The following TMEM132C variants were observed in gnomAD, a reference collection of about 807,000 sequenced individuals.
TMEM132C encodes the protein protein phosphatase 1, regulatory subunit 152.
Under a neutral mutation model 61.4 loss-of-function variants are expected in TMEM132C, and 29 were observed. The ratio of observed to expected loss-of-function variants is 0.47; its 90% CI spans 0.35 to 0.64. TMEM132C has a LOEUF of 0.64. Among genes scored for constraint, TMEM132C ranks in the 30% least tolerant of loss-of-function variants. The pLI is 0.00. For missense variants in TMEM132C, 1,408 were observed against 1,476.9 expected (o/e 0.95, Z 0.76); for synonymous variants, 656 against 633.1 (o/e 1.04, Z -0.54).
At chr12:128,649,277 C>A (rs754925880) in intron 4 of TMEM132C, among the ~76,000 whole-genome samples, 9 of 152,220 alleles carry the variant, frequency 5.9e-5, no homozygotes, top group Non-Finnish European at 1.2e-4. Flanking sequence ...CTCAGGGATC[C>A]AACTCACACT....
rs907231074 is a variant in TMEM132C at position 128,460,344 on chromosome 12, C to T, written c.974+44724C>T. ...TGTGATGGCTTCATTCTCAGGCAGCCTCTCCTCACAGGGTAGCCAGGTGGC... is the reference window on the plus strand; with the variant it reads ...TGTGATGGCTTCATTCTCAGGCAGCTTCTCCTCACAGGGTAGCCAGGTGGC... On this transcript the variant is annotated intron_variant, in intron 2 of 8. Transcript: ENST00000435159. Among the ~76,000 whole-genome samples the T allele has an allele frequency of 4.6e-5, 7 of 152,318 alleles. No homozygotes were observed. In the East Asian group the frequency reaches 1.4e-3, roughly 29 times the overall value.
chr12:128,299,490 T>C (rs1871527982), intron 1 of TMEM132C, among the ~76,000 whole-genome samples: 1 of 152,170 alleles, frequency 6.6e-6, no homozygotes, highest in Non-Finnish European at 1.5e-5. Context: ...AAGACAGAGC[T>C]GATGGTGCCA....
chr12:128,530,118 G>C (rs995837523), intron 2 of TMEM132C, among the ~76,000 whole-genome samples: 1 of 146,280 alleles, frequency 6.8e-6, no homozygotes. Flanking sequence ...GCGGGGGTGG[G>C]AAGAGTGGTG....
chr12:128,386,504 C>G (rs1386378039), intron 1 of TMEM132C, among the ~76,000 whole-genome samples: 1 of 152,166 alleles, frequency 6.6e-6, no homozygotes, highest in African/African-American at 2.4e-5. Flanking sequence ...TGCCTGGTCT[C>G]ATGGTTGTGG....
intron 3 of TMEM132C, among the ~76,000 whole-genome samples, chr12:128,604,195 G>C (rs1242807944): frequency 6.6e-6 from 1 of 152,208 alleles, no homozygotes; most frequent in African/African-American, 2.4e-5. Context: ...GGATACGTGG[G>C]ATGGATGGAT....
chr12:128,571,364 TG>T (rs1396366616), intron 3 of TMEM132C, among the ~76,000 whole-genome samples: 1 of 152,252 alleles, frequency 6.6e-6, no homozygotes, highest in Non-Finnish European at 1.5e-5. Flanking sequence ...CAAAGGAGAA[TG>T]TTTTTTAATG....
At chr12:128,574,138 C>T (rs918185833) in intron 3 of TMEM132C, among the ~76,000 whole-genome samples, 1 of 152,184 alleles carries the variant, frequency 6.6e-6, no homozygotes. Flanking sequence ...GGCCAGAACG[C>T]CACTTCCTTG....
chr12:128,565,882 A>AG (rs1458139482), intron 3 of TMEM132C, among the ~76,000 whole-genome samples: 1 of 151,784 alleles, frequency 6.6e-6, no homozygotes, highest in African/African-American at 2.4e-5. Context: ...GGTGAAAAAA[A>AG]AAAAAAGAAA....
Position 128,415,204 on chromosome 12 carries a change from G to C in TMEM132C, c.558G>C (p.Arg186=). 1 of 1,610,642 alleles carries C rather than the reference G, an allele frequency of 6.2e-7. No individual in the cohort carries two copies. Among genetic ancestry groups the C allele is most frequent in the Non-Finnish European group, 8.5e-7 (1 of 1,178,480 alleles). ...RETREVRGSC[R]LKGDLGLCVA... is the part of the protein sequence containing the mutation. ...CCAGAGAGGTGCGGGGCAGCTGCCG[G>C]CTGAAGGGGGACCTGGGGCTGTGTG... Residue 186 remains arginine, a synonymous_variant, in exon 2 of 9, where the codon CGG becomes CGC. Transcript: ENST00000435159. The surrounding 1 kb of genome is among the most constrained non-coding windows in gnomAD (Gnocchi z 5.8).
intron 2 of TMEM132C, among the ~76,000 whole-genome samples, chr12:128,478,038 T>G (rs1172278232): frequency 1.3e-5 from 2 of 152,212 alleles, no homozygotes; most frequent in Non-Finnish European, 2.9e-5. Flanking sequence ...AGCCATTCCA[T>G]AGTCCTACAA....
At chr12:128,423,877 A>G (rs558184103) in intron 2 of TMEM132C, among the ~76,000 whole-genome samples, 17 of 151,358 alleles carry the variant, frequency 1.1e-4, no homozygotes, top group Non-Finnish European at 2.5e-4. Flanking sequence ...ACTTAAAAGA[A>G]AGAAAGAAAG....
intron 4 of TMEM132C, among the ~76,000 whole-genome samples, chr12:128,628,983 A>T (rs1954042949): frequency 6.6e-6 from 1 of 152,248 alleles, no homozygotes; most frequent in Non-Finnish European, 1.5e-5. Context: ...GAATGAATTT[A>T]TAATTTATTT....
chr12:128,267,449 G>A lies in TMEM132C; in HGVS notation c.47G>A (p.Gly16Glu). 2 of 1,266,652 alleles carry A rather than the reference G, an allele frequency of 1.6e-6. No individual in the cohort carries two copies. Among genetic ancestry groups the A allele is most frequent in the Non-Finnish European group, 9.9e-7 (1 of 1,007,932 alleles). The allele number at this position is 1,266,652 out of a possible 1,614,324, so 78.5% of individuals were successfully genotyped here. A position where few individuals can be genotyped will look rare whatever the true frequency, so the allele number is the denominator to read the frequency against. Residue 16 changes from glycine (G) to glutamate (E), a missense_variant, in exon 1 of 9, where the codon GGG (glycine) becomes GAG (glutamate). Gly to Glu is a moderately conservative substitution (Grantham distance 98). Transcript: ENST00000435159. Reference sequence around the variant, plus strand: ...CCCGGGCCGGCGGCGCCGCTGTGCGGGGCGCTGAGCCTGCTGCTGGGCGCG... The same window carrying A: ...CCCGGGCCGGCGGCGCCGCTGTGCGAGGCGCTGAGCCTGCTGCTGGGCGCG... ...AAPGPAAPLC[G>E]ALSLLLGALL... is the part of the protein sequence containing the mutation.
At chr12:128,500,428 A>G (rs1872130421) in intron 2 of TMEM132C, among the ~76,000 whole-genome samples, 1 of 152,136 alleles carries the variant, frequency 6.6e-6, no homozygotes, top group East Asian at 1.9e-4. Flanking sequence ...TGGTAACAAT[A>G]TTTACCAATC....
chr12:128,494,383 C>T (rs1211980797), intron 2 of TMEM132C, among the ~76,000 whole-genome samples: 1 of 152,112 alleles, frequency 6.6e-6, no homozygotes, highest in African/African-American at 2.4e-5. Context: ...GGGAGGATTC[C>T]CTCTTTTTCT....
chr12:128,530,466 C>T (rs536846663), intron 2 of TMEM132C, among the ~76,000 whole-genome samples: 22 of 149,092 alleles, frequency 1.5e-4, no homozygotes, highest in South Asian at 6.3e-4. Flanking sequence ...TTTTTTTAAA[C>T]GGAGTCTCAC....
intron 3 of TMEM132C, among the ~76,000 whole-genome samples, chr12:128,590,459 T>C (rs552329053): frequency 3.3e-5 from 5 of 152,160 alleles, no homozygotes; most frequent in African/African-American, 9.6e-5. Flanking sequence ...AAAATGACAG[T>C]TGGCAAACTG....
intron 1 of TMEM132C, among the ~76,000 whole-genome samples, chr12:128,312,466 T>C (rs1301718348): frequency 6.6e-6 from 1 of 152,114 alleles, no homozygotes; most frequent in African/African-American, 2.4e-5. Context: ...CCAACACACC[T>C]GACTGATTTT....
At chr12:128,621,545 G>A (rs938536763) in intron 4 of TMEM132C, among the ~76,000 whole-genome samples, 1 of 152,224 alleles carries the variant, frequency 6.6e-6, no homozygotes, top group Admixed American at 6.5e-5. Flanking sequence ...AGAGCCTTCA[G>A]AGGGATTGTG....
Sources: allele counts gnomAD v4.1 joint callset (sites outside exome capture counted in the v4.1 genomes callset), GRCh38; gene constraint gnomAD v4.1.1; non-coding constraint Gnocchi (gnomAD v3.1); transcripts MANE v1.5; gene names NCBI Gene and HGNC (gene_info 2026-07-23, HGNC 2026-07-21).